The following COL19A1 variants were observed in gnomAD, a reference collection of about 807,000 sequenced individuals.
COL19A1 encodes collagen type XIX alpha 1 chain.
Under a neutral mutation model 190.2 loss-of-function variants are expected in COL19A1, and 159 were observed. The ratio of observed to expected loss-of-function variants is 0.84; its 90% confidence interval spans 0.73 to 0.95. The LOEUF is 0.95. Among genes scored for constraint, COL19A1 ranks in the 40% least tolerant of loss-of-function variants. The probability of loss-of-function intolerance (pLI) is 0.00; values close to 1 mark genes in which losing one functional copy is unlikely to be tolerated. For missense variants in COL19A1, 1,418 were observed against 1,431.9 expected (o/e 0.99, Z 0.16); for synonymous variants, 509 against 458.9 (o/e 1.11, Z -1.39).
intron 11 of COL19A1, among the ~76,000 whole-genome samples, chr6:69,976,582 G>A (rs1436393406): frequency 2.0e-5 from 3 of 151,864 alleles, no homozygotes; most frequent in African/African-American, 4.9e-5. Context: ...AAGGAGGGGA[G>A]TTTGATTAAG....
intron 34 of COL19A1, among the ~76,000 whole-genome samples, chr6:70,158,960 CT>C (rs1344209458): frequency 1.3e-5 from 2 of 152,130 alleles, no homozygotes; most frequent in Non-Finnish European, 2.9e-5. Context: ...GTAACTTTCA[CT>C]TTTACTACAG....
rs1353061513 is a variant in COL19A1 at position 69,982,981 on chromosome 6, T to TAAATAAAA, written c.1026+20118_1026+20119insAAAATAAA. The stretch of plus-strand genomic sequence containing the variant: ...AGCGAGACTCTGTCTCAAAAATAAA[T>TAAATAAAA]AAATAAATAAATAAATAAATAAATA... On this transcript the variant is annotated intron_variant, in intron 11 of 50. Coordinates refer to ENST00000620364, the MANE Select transcript of COL19A1 (RefSeq NM_001858.6). 4.0e-5 allele frequency among the ~76,000 whole-genome samples: 5 copies of TAAATAAAA among 125,628 alleles called. No homozygotes were observed. In the East Asian group the frequency reaches 1.2e-3, roughly 31 times the overall value. The allele number at this position is 125,628 out of a possible 152,430, so 82.4% of individuals were successfully genotyped here.
intron 11 of COL19A1, among the ~76,000 whole-genome samples, chr6:69,971,345 C>T (rs1775411362): frequency 6.8e-6 from 1 of 147,102 alleles, no homozygotes; most frequent in African/African-American, 2.7e-5. Flanking sequence ...GTGACTTTAG[C>T]AAAATAATTT....
At chr6:70,201,395 ACCACTCC>A (rs1767541812) in intron 49 of COL19A1, among the ~76,000 whole-genome samples, 1 of 152,152 alleles carries the variant, frequency 6.6e-6, no homozygotes, top group Admixed American at 6.5e-5. Flanking sequence ...CCTTCTGTTC[ACCACTCC>A]ACTTGCCCTT....
intron 11 of COL19A1, among the ~76,000 whole-genome samples, chr6:69,998,957 C>T (rs990524981): frequency 1.4e-5 from 2 of 147,212 alleles, no homozygotes; most frequent in African/African-American, 2.5e-5. Context: ...TTATGTTTAT[C>T]TTTTTTTTTT....
Position 70,211,962 on chromosome 6 carries a change from G to A in COL19A1, c.*4688G>A, listed in dbSNP as rs755558062. On this transcript the variant is annotated 3_prime_UTR_variant, in exon 51 of 51. Transcript: ENST00000620364. ...AATAGTGAGTGATGTGGTACAACTG[G>A]AGGAGTTAGCTACTTGCTTCATGAA... Among the ~76,000 whole-genome samples, 3 of 152,118 alleles carry A rather than the reference G, an allele frequency of 2.0e-5. No homozygotes were observed. The highest frequency in any genetic ancestry group is 4.4e-5 in the Non-Finnish European group (3 of 68,012).
chr6:70,028,059 T>C (rs1778822628), intron 12 of COL19A1, among the ~76,000 whole-genome samples: 1 of 152,134 alleles, frequency 6.6e-6, no homozygotes, highest in Non-Finnish European at 1.5e-5. Context: ...TAGTACTTAC[T>C]GTAGGGGAAA....
chr6:70,074,320 GA>G lies in COL19A1; in HGVS notation c.1224+5847del, dbSNP rs540020543. On this transcript the variant is annotated intron_variant, in intron 15 of 50. Coordinates refer to ENST00000620364, the MANE Select transcript of COL19A1 (RefSeq NM_001858.6). ...TCAAGACCAGCCTGGCCAACATGGT[GA>G]AACCCTGTCTCTACTAAAAATACAA... Among the ~76,000 whole-genome samples the G allele has an allele frequency of 1.3e-4, 20 of 152,110 alleles. 1 individual carries two copies. Among genetic ancestry groups the G allele is most frequent in the Admixed American group, 1.3e-3 (20 of 15,280 alleles).
At chr6:69,959,949 C>A in intron 9 of COL19A1, 47 bp from the exon 10 acceptor site, 3 of 1,568,912 alleles carry the variant, frequency 1.9e-6, no homozygotes, top group South Asian at 2.3e-5. Flanking sequence ...CGTCTATGTT[C>A]ATATATCTTT....
chr6:70,112,896 A>G (rs962114490), intron 16 of COL19A1, among the ~76,000 whole-genome samples: 1 of 152,210 alleles, frequency 6.6e-6, no homozygotes, highest in African/African-American at 2.4e-5. Flanking sequence ...GCAGGCCAGA[A>G]GCAGACAAGC....
At chr6:69,916,686 C>T (rs576505899) in intron 4 of COL19A1, among the ~76,000 whole-genome samples, 1 of 152,272 alleles carries the variant, frequency 6.6e-6, no homozygotes, top group African/African-American at 2.4e-5. Flanking sequence ...TGATTGTAAA[C>T]ATTTTATTTA....
chr6:69,869,945 A>G (rs1363268149), intron 1 of COL19A1, among the ~76,000 whole-genome samples: 1 of 152,216 alleles, frequency 6.6e-6, no homozygotes, highest in Admixed American at 6.5e-5. Flanking sequence ...AACATTAGGA[A>G]CTAGGGAGTA....
intron 1 of COL19A1, among the ~76,000 whole-genome samples, chr6:69,871,214 T>C (rs1401551211): frequency 6.6e-6 from 1 of 152,230 alleles, no homozygotes; most frequent in Admixed American, 6.5e-5. Context: ...GCTGGTTTTC[T>C]CTAATAGTTT....
chr6:70,021,967 G>T (rs556395972), intron 11 of COL19A1, among the ~76,000 whole-genome samples: 11 of 151,918 alleles, frequency 7.2e-5, no homozygotes, highest in Non-Finnish European at 1.6e-4. Context: ...TGTTTGTTTT[G>T]TATATTGTAT....
At chr6:70,176,440 A>G in intron 41 of COL19A1, 80 bp from the exon 42 acceptor site, 2 of 1,465,570 alleles carry the variant, frequency 1.4e-6, no homozygotes, top group Middle Eastern at 2.0e-4. Flanking sequence ...ACCAAATCCA[A>G]ATTATTATTT....
At chr6:70,106,057 G>T (rs1783939818) in intron 16 of COL19A1, among the ~76,000 whole-genome samples, 1 of 152,026 alleles carries the variant, frequency 6.6e-6, no homozygotes, top group Non-Finnish European at 1.5e-5. Flanking sequence ...ATAAGAAAAT[G>T]TTCTTCCCTT....
intron 9 of COL19A1, among the ~76,000 whole-genome samples, chr6:69,957,431 G>A (rs566852139): frequency 2.6e-5 from 4 of 152,118 alleles, no homozygotes; most frequent in East Asian, 1.9e-4. Flanking sequence ...CCCAGGCAAC[G>A]ATACTATCGG....
chr6:70,031,541 T>C (rs1779075685), intron 12 of COL19A1, among the ~76,000 whole-genome samples: 1 of 152,156 alleles, frequency 6.6e-6, no homozygotes, highest in African/African-American at 2.4e-5. Context: ...TGCTCCCACA[T>C]GTAAGAAAGA....
At chr6:70,112,366 G>A (rs892961569) in intron 16 of COL19A1, among the ~76,000 whole-genome samples, 1 of 152,178 alleles carries the variant, frequency 6.6e-6, no homozygotes, top group African/African-American at 2.4e-5. Flanking sequence ...GCACTCTAAA[G>A]ATTCCTGCTG....
Sources: allele counts gnomAD v4.1 joint callset (sites outside exome capture counted in the v4.1 genomes callset), GRCh38; gene constraint gnomAD v4.1.1; transcripts MANE v1.5; gene names NCBI Gene and HGNC (gene_info 2026-07-23, HGNC 2026-07-21).